Variants in TALDO1 observed in about 807,000 individuals in gnomAD.
TALDO1 encodes the protein transaldolase.
A neutral mutation model predicts 38.1 loss-of-function variants in TALDO1; 29 were observed. The observed-to-expected ratio is 0.76, with a 90% CI of 0.57 to 1.04. The LOEUF (loss-of-function observed/expected upper bound fraction) is 1.04, where lower values mean the gene tolerates loss of function less well. TALDO1 is among the 50% of genes least tolerant of loss of function. TALDO1 has a pLI of 0.00. For missense variants in TALDO1, 499 were observed against 438.1 expected (o/e 1.14, Z -1.24); for synonymous variants, 207 against 176.8 (o/e 1.17, Z -1.36).
intron 1 of TALDO1, among the ~76,000 whole-genome samples, chr11:751,556 G>A (rs924345621): frequency 2.6e-5 from 4 of 152,154 alleles, no homozygotes; most frequent in African/African-American, 9.7e-5. Context: ...CACTTTGGGA[G>A]GCCGAGGAGG....
At chr11:764,108 C>A in intron 6 of TALDO1, 164 bp downstream of exon 6, 1 of 1,352,548 alleles carries the variant, frequency 7.4e-7, no homozygotes, top group Non-Finnish European at 1.0e-6. Context: ...TAACACATCT[C>A]ACTCAAGTCA....
At chr11:764,702 A>G (rs1380235291) in intron 7 of TALDO1, 111 bp from the exon 8 acceptor site, 2 of 1,560,422 alleles carry the variant, frequency 1.3e-6, no homozygotes, top group African/African-American at 1.4e-5. Context: ...TGGCCCCCAC[A>G]CAGAGTGCAG....
At chr11:753,089 G>A (rs551146421) in intron 1 of TALDO1, among the ~76,000 whole-genome samples, 28 of 152,286 alleles carry the variant, frequency 1.8e-4, no homozygotes, top group Non-Finnish European at 4.0e-4. Flanking sequence ...GCAGAGGAAT[G>A]CAGTTCAGGT....
intron 5 of TALDO1, 94 bp from the exon 6 acceptor site, chr11:763,653 C>T (rs932882192): frequency 1.0e-5 from 16 of 1,566,146 alleles, no homozygotes; most frequent in East Asian, 2.2e-5. Flanking sequence ...GCAGGGGTGG[C>T]GGCTCAAGGT....
In TALDO1 at chr11:756,020, G is replaced by T; in HGVS notation, c.221+18G>T. ...CTGGGCGGGTGAGTGCCTGGACTCG[G>T]GAGGGTCCCAGCTAGGCCCTCGTGC... is the stretch of plus-strand genomic sequence containing the variant. On this transcript the variant is annotated intron_variant, in intron 2 of 7. Coordinates refer to ENST00000319006, the MANE Select transcript of TALDO1 (RefSeq NM_006755.2). The T allele has an allele frequency of 6.2e-7, 1 of 1,610,490 alleles. No individual in the cohort carries two copies. The highest frequency in any genetic ancestry group is 8.5e-7 in the Non-Finnish European group (1 of 1,178,840).
chr11:760,697 C>G, intron 4 of TALDO1: 1 of 206,344 alleles, frequency 4.8e-6, no homozygotes, highest in Non-Finnish European at 1.0e-5. Flanking sequence ...CACTTGAGCC[C>G]AGGAGTTCCA....
rs148726202 is a variant in TALDO1, at chr11:764,847, G to A, written c.*2G>A. The A allele has an allele frequency of 4.7e-5, 76 of 1,614,034 alleles. No individual in the cohort carries two copies. The African/African-American group carries it at 6.1e-4, about 13-fold the overall frequency. ...TTCAATGCAGAGAATGGAAAGTAGC[G>A]CATCCCTGAGGCTGGACTCCAGATC... On this transcript the variant is annotated 3_prime_UTR_variant, in exon 8 of 8. Transcript: ENST00000319006.
intron 1 of TALDO1, among the ~76,000 whole-genome samples, chr11:754,204 C>T (rs953624540): frequency 2.0e-5 from 3 of 151,964 alleles, no homozygotes; most frequent in Admixed American, 1.3e-4. Flanking sequence ...AGGCTGGTCT[C>T]GAACTCCTGA....
At chr11:764,173 C>T (rs1863008643) in intron 6 of TALDO1, 115 bp from the exon 7 acceptor site, 3 of 1,582,170 alleles carry the variant, frequency 1.9e-6, no homozygotes, top group African/African-American at 2.7e-5. Context: ...TTGCTGGGGC[C>T]AAGGCCTGGC....
intron 2 of TALDO1, among the ~76,000 whole-genome samples, chr11:756,678 G>C (rs1203359931): frequency 2.0e-5 from 3 of 152,086 alleles, no homozygotes; most frequent in Non-Finnish European, 4.4e-5. Context: ...ATCACACCTG[G>C]CTATAATTTT....
chr11:749,038 G>A (rs917168619), intron 1 of TALDO1, among the ~76,000 whole-genome samples: 4 of 152,136 alleles, frequency 2.6e-5, no homozygotes, highest in Admixed American at 2.0e-4. Context: ...AATAAAGATG[G>A]ATTTTCCTAA....
chr11:763,672 C>T (rs544717523), intron 5 of TALDO1, 75 bp from the exon 6 acceptor site: 8 of 1,580,450 alleles, frequency 5.1e-6, no homozygotes, highest in African/African-American at 2.7e-5. Flanking sequence ...GTAGTGCAGC[C>T]GGCAGGCACT....
At chr11:750,248 A>G (rs1315765134) in intron 1 of TALDO1, among the ~76,000 whole-genome samples, 1 of 152,020 alleles carries the variant, frequency 6.6e-6, no homozygotes. Flanking sequence ...CTCTACCTCT[A>G]TAGTTTTGTC....
chr11:751,273 A>G (rs1346178456), intron 1 of TALDO1, among the ~76,000 whole-genome samples: 1 of 152,154 alleles, frequency 6.6e-6, no homozygotes, highest in African/African-American at 2.4e-5. Flanking sequence ...TGTTGAAGTC[A>G]AAATAAAATG....
At chr11:760,386 G>A in intron 4 of TALDO1, 133 bp downstream of exon 4, 1 of 1,370,774 alleles carries the variant, frequency 7.3e-7, no homozygotes, top group East Asian at 2.4e-5. Flanking sequence ...CCCACAGCTT[G>A]GACTTGACCA....
intron 5 of TALDO1, 48 bp downstream of exon 5, chr11:763,567 C>T: frequency 6.2e-7 from 1 of 1,609,684 alleles, no homozygotes; most frequent in South Asian, 1.1e-5. Flanking sequence ...GCCTCAGCAG[C>T]ACCTCAGGCA....
chr11:755,609 G>C (rs1014729494), intron 1 of TALDO1: 3 of 485,190 alleles, frequency 6.2e-6, no homozygotes, highest in African/African-American at 5.9e-5. Context: ...CTGTCGCACC[G>C]CTCACTCCCA....
At chr11:755,102 A>G (rs889402897) in intron 1 of TALDO1, among the ~76,000 whole-genome samples, 1 of 149,138 alleles carries the variant, frequency 6.7e-6, no homozygotes, top group Non-Finnish European at 1.5e-5. Flanking sequence ...TTTTGGAGCA[A>G]TGCTGTGTGT....
In TALDO1 at chr11:760,264, C is replaced by T; in HGVS notation, c.461+11C>T. 1 of 1,613,622 alleles carries T rather than the reference C, an allele frequency of 6.2e-7. No individual in the cohort carries two copies. Among genetic ancestry groups the T allele is most frequent in the Non-Finnish European group, 8.5e-7 (1 of 1,179,842 alleles). ...AATTCAGGCTGGAAAGTAAGTGGTC[C>T]CCCACAAGGAAGGAGCTCTCAGAGA... On this transcript the variant is annotated intron_variant, in intron 4 of 7. Transcript: ENST00000319006.
Sources: gnomAD v4.1 joint callset for allele counts (sites outside exome capture counted in the v4.1 genomes callset) on GRCh38, gnomAD v4.1.1 for gene constraint, MANE v1.5 for transcripts, NCBI Gene and HGNC (gene_info 2026-07-23, HGNC 2026-07-21) for gene names.